PI4K2B: variants seen among roughly 807,000 people sequenced by gnomAD.
The protein encoded by PI4K2B is phosphatidylinositol 4-kinase type 2-beta.
Under a neutral mutation model 56.6 loss-of-function variants are expected in PI4K2B, and 46 were observed. That is an observed-to-expected ratio of 0.81 (90% CI 0.64 to 1.04). The LOEUF is 1.04. PI4K2B is among the 50% of genes least tolerant of loss of function. The probability of loss-of-function intolerance (pLI) is 0.00; values close to 1 mark genes in which losing one functional copy is unlikely to be tolerated. For missense variants in PI4K2B, 556 were observed against 607.7 expected, an observed-to-expected ratio of 0.91 and a Z score of 0.89; for synonymous variants, 211 against 223.8, an observed-to-expected ratio of 0.94 and a Z score of 0.51.
At chr4:25,274,283 A>G (rs566060341) in intron 9 of PI4K2B, among the ~76,000 whole-genome samples, 85 of 152,218 alleles carry the variant, frequency 5.6e-4, no homozygotes, top group African/African-American at 2.0e-3. Flanking sequence ...AGAAGCCCAC[A>G]AGTTTATACC....
In PI4K2B at chr4:25,269,066, G is replaced by C. The variant is rs1224883608; in HGVS notation, c.1213-78G>C. 7.8e-6 allele frequency: 6 copies of C among 771,798 alleles called. No homozygotes were observed. In the African/African-American group the frequency reaches 8.8e-5, roughly 11 times the overall value. The allele number at this position is 771,798 out of a possible 1,614,324, so 47.8% of individuals were successfully genotyped here. A position where few individuals can be genotyped will look rare whatever the true frequency, so the allele number is the denominator to read the frequency against. On this transcript the variant is annotated intron_variant, in intron 8 of 9. Transcript: ENST00000264864. ...GCTTTTTAATGGCCTTATTTGCTGA[G>C]TTGAAGAGTTCATCTGTTTTCAAAT...
chr4:25,241,774 G>A (rs563948991), intron 1 of PI4K2B, among the ~76,000 whole-genome samples: 11 of 152,300 alleles, frequency 7.2e-5, no homozygotes, highest in Non-Finnish European at 1.5e-4. Context: ...TTGTGGGGTT[G>A]TCCCAGGAGT....
At chr4:25,259,702 A>G (rs985381274) in intron 5 of PI4K2B, among the ~76,000 whole-genome samples, 5 of 146,940 alleles carry the variant, frequency 3.4e-5, no homozygotes, top group Non-Finnish European at 6.0e-5. Flanking sequence ...TGATGAGCTT[A>G]AAAAAAAAAA....
chr4:25,274,844 G>A (rs888896258), intron 9 of PI4K2B, among the ~76,000 whole-genome samples: 7 of 152,052 alleles, frequency 4.6e-5, no homozygotes, highest in Non-Finnish European at 1.0e-4. Context: ...CACCCACGCT[G>A]GAATGCAGTG....
At chr4:25,254,771 A>C (rs1451240495) in intron 2 of PI4K2B, among the ~76,000 whole-genome samples, 1 of 152,138 alleles carries the variant, frequency 6.6e-6, no homozygotes, top group African/African-American at 2.4e-5. Flanking sequence ...AATTAGAGTT[A>C]ATCTGGTTAA....
At chr4:25,274,332 G>C in intron 9 of PI4K2B, among the ~76,000 whole-genome samples, 1 of 152,202 alleles carries the variant, frequency 6.6e-6, no homozygotes, top group East Asian at 1.9e-4. Flanking sequence ...CCGTCAAGCT[G>C]TCATTATGGC....
At position 25,255,139 on chromosome 4, in the gene PI4K2B, C is replaced by T. The variant is rs1185706677; in HGVS notation, c.498C>T (p.Val166=). ...GQLNPKWTKY[V]HKVCCPCCFG... is the part of the protein sequence containing the mutation. ...TCAATCCAAAATGGACCAAATATGT[C>T]CATAAGGTCTGCTGCCCTTGCTGCT... is the stretch of plus-strand genomic sequence containing the variant. Residue 166 remains valine, a synonymous_variant, in exon 3 of 10, where the codon GTC becomes GTT. Transcript: ENST00000264864. 1.2e-6 allele frequency: 2 copies of T among 1,613,936 alleles called. No homozygotes were observed. Among genetic ancestry groups the T allele is most frequent in the South Asian group, 1.1e-5 (1 of 91,070 alleles).
At chr4:25,248,350 A>G (rs313561) in intron 1 of PI4K2B, among the ~76,000 whole-genome samples, 28,009 of 152,164 alleles carry the variant, frequency 0.18, 2,757 homozygotes, top group South Asian at 0.32. Context: ...AACATAATAA[A>G]TTCTGTAAGT....
Position 25,252,323 on chromosome 4 carries a change from A to G in PI4K2B, c.271A>G (p.Thr91Ala). ...LDRSRPAVSVTIGTSEMNAFL... is the reference protein window; with the variant it reads ...LDRSRPAVSVAIGTSEMNAFL... ...GCTGGTATTTCTTCTTAATGCAGTA[A>G]CTATTGGTACTTCAGAGATGAATGC... is the stretch of plus-strand genomic sequence containing the variant. Residue 91 changes from threonine (T) to alanine (A), a missense_variant and splice_region_variant, in exon 2 of 10, where the codon ACT becomes GCT. Physicochemically the swap from Thr to Ala is moderately conservative, Grantham distance 58. Transcript: ENST00000264864. The G allele has an allele frequency of 6.2e-7, 1 of 1,606,996 alleles. No individual in the cohort carries two copies. Among genetic ancestry groups the G allele is most frequent in the Non-Finnish European group, 8.5e-7 (1 of 1,174,332 alleles).
rs142599410 is a variant in PI4K2B at position 25,275,918 on chromosome 4, C to T, written c.1273-1096C>T. 1.6e-4 allele frequency among the ~76,000 whole-genome samples: 25 copies of T among 152,230 alleles called. 1 individual carries two copies. The East Asian group carries it at 4.8e-3, about 29-fold the overall frequency. On this transcript the variant is annotated intron_variant, in intron 9 of 9. Coordinates refer to ENST00000264864, the MANE Select transcript of PI4K2B (RefSeq NM_018323.4). Reference sequence around the variant, plus strand: ...AGGAGTTCAAGATCAGCCCTGGCAACATAGCAAGACCCCATCTCTACAATC... The same window carrying T: ...AGGAGTTCAAGATCAGCCCTGGCAATATAGCAAGACCCCATCTCTACAATC...
intron 1 of PI4K2B, among the ~76,000 whole-genome samples, chr4:25,249,848 CT>C (rs1715973406): frequency 6.6e-6 from 1 of 152,222 alleles, no homozygotes; most frequent in African/African-American, 2.4e-5. Context: ...AATCTCGGCA[CT>C]TTGGGAGGCC....
chr4:25,273,656 G>A (rs1716994512), intron 9 of PI4K2B, among the ~76,000 whole-genome samples: 1 of 152,186 alleles, frequency 6.6e-6, no homozygotes, highest in South Asian at 2.1e-4. Context: ...TCTGCCCGGG[G>A]CCCTTATCAT....
At chr4:25,244,125 C>CT (rs1715657448) in intron 1 of PI4K2B, among the ~76,000 whole-genome samples, 1 of 152,192 alleles carries the variant, frequency 6.6e-6, no homozygotes, top group Admixed American at 6.5e-5. Flanking sequence ...AAAACTTCCC[C>CT]AGGTCTGCCT....
At chr4:25,269,925 C>T (rs934697074) in intron 9 of PI4K2B, among the ~76,000 whole-genome samples, 3 of 151,880 alleles carry the variant, frequency 2.0e-5, no homozygotes, top group African/African-American at 7.2e-5. Context: ...ACCATGTTAG[C>T]CAGGATGGTC....
chr4:25,242,597 C>G (rs1041030178), intron 1 of PI4K2B, among the ~76,000 whole-genome samples: 13 of 152,258 alleles, frequency 8.5e-5, no homozygotes, highest in African/African-American at 3.1e-4. Flanking sequence ...AGATCTTGCA[C>G]TAGTCTCCAC....
chr4:25,234,147 G>A lies in PI4K2B; in HGVS notation c.-17G>A. ...TGCTCTGATCTGGTCTCAGCGCGGA[G>A]GGAGCAGAGGGAGTCCATGGAGGAT... is the stretch of plus-strand genomic sequence containing the variant. On this transcript the variant is annotated 5_prime_UTR_variant, in exon 1 of 10. Transcript: ENST00000264864. The A allele has an allele frequency of 6.1e-6, 8 of 1,321,812 alleles. No homozygotes were observed. The highest frequency in any genetic ancestry group is 7.7e-6 in the Non-Finnish European group (8 of 1,032,272). The allele number at this position is 1,321,812 out of a possible 1,614,324, so 81.9% of individuals were successfully genotyped here.
intron 3 of PI4K2B, 52 bp from the exon 4 acceptor site, chr4:25,256,491 A>C: frequency 6.4e-7 from 1 of 1,552,002 alleles, no homozygotes; most frequent in Non-Finnish European, 8.8e-7. Context: ...GTATATGAAA[A>C]GAGATACTAT....
chr4:25,234,994 T>C (rs547451598), intron 1 of PI4K2B, among the ~76,000 whole-genome samples: 2 of 152,374 alleles, frequency 1.3e-5, no homozygotes, highest in African/African-American at 4.8e-5. Context: ...CTTTCTTGAT[T>C]TACTTCTAAT....
intron 9 of PI4K2B, chr4:25,276,430 C>T (rs1717095686): frequency 4.4e-6 from 1 of 225,500 alleles, no homozygotes; most frequent in South Asian, 1.6e-4. Flanking sequence ...CATGCTTTCC[C>T]ATAGCAATTT....
Sources: gnomAD v4.1 joint callset for allele counts (sites outside exome capture counted in the v4.1 genomes callset) on GRCh38, gnomAD v4.1.1 for gene constraint, MANE v1.5 for transcripts, NCBI Gene and HGNC (gene_info 2026-07-23, HGNC 2026-07-21) for gene names.